The following SLFN12L variants were observed in gnomAD, a reference collection of about 807,000 sequenced individuals.
SLFN12L encodes schlafen family member 12 like.
A neutral mutation model predicts 34.8 loss-of-function variants in SLFN12L; 34 were observed. The ratio of observed to expected loss-of-function variants is 0.98; its 90% confidence interval spans 0.74 to 1.30. The LOEUF (loss-of-function observed/expected upper bound fraction) is 1.30, where lower values mean the gene tolerates loss of function less well. Among genes scored for constraint, SLFN12L ranks in the 50% most tolerant of loss-of-function variants. The probability of loss-of-function intolerance (pLI) is 0.00; values close to 1 mark genes in which losing one functional copy is unlikely to be tolerated. For synonymous variants in SLFN12L, 259 were observed against 247.5 expected (o/e 1.05, Z -0.44); for missense variants, 703 against 696.2 (o/e 1.01, Z -0.11).
At position 35,499,063 on chromosome 17, in the gene SLFN12L, G is replaced by A. The variant is rs73989732; in HGVS notation, c.87-18868C>T. ...CCTGATAGCAAGCTGCTTGCTGCTG[G>A]GTTTGACAACTCCTGTATAAAACTT... On this transcript the variant is annotated intron_variant, in intron 2 of 4. Transcript: ENST00000628453. 3.2e-3 allele frequency: 2,687 copies of A among 834,996 alleles called. 51 individuals carry two copies. In the African/African-American group the frequency reaches 0.04, roughly 12 times the overall value. 51.7% of individuals were successfully genotyped at this position (834,996 alleles called of 1,614,324 possible).
chr17:35,508,616 G>T (rs1205983750), intron 2 of SLFN12L, among the ~76,000 whole-genome samples: 5 of 152,140 alleles, frequency 3.3e-5, no homozygotes, highest in African/African-American at 1.2e-4. Context: ...CCAAAGTGCT[G>T]GGACTACAGG....
chr17:35,469,826 G>C lies in SLFN12L; in HGVS notation c.*5097C>G, dbSNP rs779921802. ...GCCATGTAACAGACAACTGGGGACC[G>C]TCCCTAGGCCCCAAAGCCCATCAGA... On this transcript the variant is annotated 3_prime_UTR_variant, in exon 5 of 5. Coordinates refer to ENST00000628453, the MANE Select transcript of SLFN12L (RefSeq NM_001363830.2). Among the ~76,000 whole-genome samples, 1 of 152,062 alleles carries C rather than the reference G, an allele frequency of 6.6e-6. No individual in the cohort carries two copies. Among genetic ancestry groups the C allele is most frequent in the Non-Finnish European group, 1.5e-5 (1 of 68,018 alleles).
chr17:35,483,079 G>A (rs1234332396), intron 2 of SLFN12L, among the ~76,000 whole-genome samples: 1 of 152,156 alleles, frequency 6.6e-6, no homozygotes. Flanking sequence ...GCGCTTCAGA[G>A]ACCTGAAGAG....
At chr17:35,502,416 GAAAAAAAAAAAAAA>G (rs1161388791) in intron 2 of SLFN12L, among the ~76,000 whole-genome samples, 6 of 25,262 alleles carry the variant, frequency 2.4e-4, no homozygotes, top group East Asian at 2.7e-3. Flanking sequence ...GTATCCTAAG[GAAAAAAAAAAAAAA>G]AAAAAAAAAA....
intron 2 of SLFN12L, among the ~76,000 whole-genome samples, chr17:35,506,492 G>GA (rs1442437332): frequency 6.6e-6 from 1 of 152,130 alleles, no homozygotes; most frequent in Non-Finnish European, 1.5e-5. Flanking sequence ...GATCCTTGCT[G>GA]AAAAAATGGG....
Position 35,522,319 on chromosome 17 carries a change from G to C in SLFN12L, c.46C>G (p.Leu16Val). 1.9e-6 allele frequency: 3 copies of C among 1,614,164 alleles called. No homozygotes were observed. The highest frequency in any genetic ancestry group is 3.3e-5 in the Admixed American group (2 of 60,020). Residue 16 changes from leucine to valine, a missense_variant, in exon 2 of 5, where the codon CTC becomes GTC. Transcript: ENST00000628453. ...AGAAACTGACTTTCACAAATGTAGA[G>C]AATTCTGTGTGCCTCACAGTGAAAC... ...NVFHCEAHRI[L>V]YICESQFLRN...
At chr17:35,521,763 A>G (rs1303061058) in intron 2 of SLFN12L, among the ~76,000 whole-genome samples, 1 of 152,192 alleles carries the variant, frequency 6.6e-6, no homozygotes, top group Non-Finnish European at 1.5e-5. Context: ...GGTCCTAGCT[A>G]CTCAGGAAGC....
intron 2 of SLFN12L, among the ~76,000 whole-genome samples, chr17:35,511,038 T>C (rs1597868390): frequency 1.3e-5 from 2 of 152,194 alleles, no homozygotes. Flanking sequence ...TACTACTCTT[T>C]TGTTTTTACA....
intron 2 of SLFN12L, among the ~76,000 whole-genome samples, chr17:35,489,056 C>G (rs1008629054): frequency 6.6e-6 from 1 of 151,834 alleles, no homozygotes; most frequent in South Asian, 2.1e-4. Flanking sequence ...GGCGACAGAG[C>G]GAGACTTTGC....
chr17:35,517,699 A>G (rs1915874989), intron 2 of SLFN12L, among the ~76,000 whole-genome samples: 1 of 152,216 alleles, frequency 6.6e-6, no homozygotes, highest in Non-Finnish European at 1.5e-5. Context: ...ACCAAAACAG[A>G]TACATCAACC....
intron 2 of SLFN12L, among the ~76,000 whole-genome samples, chr17:35,506,981 C>T (rs1189493508): frequency 6.6e-6 from 1 of 152,194 alleles, no homozygotes; most frequent in Non-Finnish European, 1.5e-5. Flanking sequence ...TCAAACCACA[C>T]TAAGAAAAAT....
rs369872858 is a variant in SLFN12L at position 35,479,186 on chromosome 17, C to T, written c.1096G>A (p.Val366Met). Residue 366 changes from valine to methionine, a missense_variant, in exon 3 of 5, where the codon GTG becomes ATG. Val to Met is a conservative substitution (Grantham distance 21, BLOSUM62 1). Coordinates refer to ENST00000628453, the MANE Select transcript of SLFN12L (RefSeq NM_001363830.2). ...AACTGCTTAACTCTGTTATCTTTCA[C>T]GTGCCAGGAATCAGGCTTTTTAGCA... ...VFAKKPDSWHVKDNRVKQLTE... is the reference protein window; with the variant it reads ...VFAKKPDSWHMKDNRVKQLTE... 1.9e-6 allele frequency: 3 copies of T among 1,578,612 alleles called. No individual in the cohort carries two copies. The highest frequency in any genetic ancestry group is 1.2e-5 in the South Asian group (1 of 86,448).
In SLFN12L at chr17:35,470,832, C is replaced by A. The variant is rs1232739252; in HGVS notation, c.*4091G>T. Among the ~76,000 whole-genome samples the A allele has an allele frequency of 6.6e-6, 1 of 152,020 alleles. No homozygotes were observed. The highest frequency in any genetic ancestry group is 1.5e-5 in the Non-Finnish European group (1 of 68,002). On this transcript the variant is annotated 3_prime_UTR_variant, in exon 5 of 5. Coordinates refer to ENST00000628453, the MANE Select transcript of SLFN12L (RefSeq NM_001363830.2). ...CTCACTCTCCCCACCCCACAACAGG[C>A]CCTGGTGTGTGTTAATCCTTTCCCT... is the stretch of plus-strand genomic sequence containing the variant.
At position 35,488,124 on chromosome 17, in the gene SLFN12L, G is replaced by A. The variant is rs1238409207; in HGVS notation, c.87-7929C>T. Among the ~76,000 whole-genome samples, 6 of 152,326 alleles carry A rather than the reference G, an allele frequency of 3.9e-5. No homozygotes were observed. In the South Asian group the frequency reaches 1.2e-3, roughly 32 times the overall value. On this transcript the variant is annotated intron_variant, in intron 2 of 4. Transcript: ENST00000628453. ...CTCGGGAGGCTGAGGCAGGAGAATG[G>A]CGTGAACCCCGGAGGCGCAGCTTGC...
intron 2 of SLFN12L, among the ~76,000 whole-genome samples, chr17:35,502,060 A>C (rs1915313092): frequency 6.6e-6 from 1 of 152,142 alleles, no homozygotes; most frequent in Non-Finnish European, 1.5e-5. Flanking sequence ...TCAAAGAGAG[A>C]GAGAGAGACA....
chr17:35,518,095 G>A (rs1456204157), intron 2 of SLFN12L, among the ~76,000 whole-genome samples: 1 of 152,168 alleles, frequency 6.6e-6, no homozygotes, highest in African/African-American at 2.4e-5. Context: ...ACTATCATCA[G>A]GGTGAACAGG....
rs146027759 is a variant in SLFN12L at position 35,481,481 on chromosome 17, G to A, written c.87-1286C>T. ...AAAGTACTAAAAGTCTTTGAAATGC[G>A]TAGAAGAAATAATGGCATAAGCCGT... is the stretch of plus-strand genomic sequence containing the variant. On this transcript the variant is annotated intron_variant, in intron 2 of 4. Transcript: ENST00000628453. Among the ~76,000 whole-genome samples, 40 of 152,326 alleles carry A rather than the reference G, an allele frequency of 2.6e-4. 1 individual carries two copies. The highest frequency in any genetic ancestry group is 3.4e-3 in the Middle Eastern group (1 of 294).
intron 1 of SLFN12L, among the ~76,000 whole-genome samples, chr17:35,529,134 A>C (rs909666987): frequency 2.6e-5 from 4 of 152,230 alleles, no homozygotes; most frequent in African/African-American, 9.6e-5. Context: ...GCAAATCAAA[A>C]CCACAATGAG....
intron 2 of SLFN12L, among the ~76,000 whole-genome samples, chr17:35,484,895 G>T (rs1253249973): frequency 6.6e-6 from 1 of 152,120 alleles, no homozygotes; most frequent in Admixed American, 6.5e-5. Context: ...TTAGATTACT[G>T]ATTCCATCTC....
Sources: allele counts gnomAD v4.1 joint callset (sites outside exome capture counted in the v4.1 genomes callset), GRCh38; gene constraint gnomAD v4.1.1; transcripts MANE v1.5; gene names NCBI Gene and HGNC (gene_info 2026-07-23, HGNC 2026-07-21).